The following RASGRP3 variants were observed in gnomAD, a reference collection of about 807,000 sequenced individuals.
RASGRP3 encodes ras guanyl-releasing protein 3.
In RASGRP3, 54 loss-of-function variants were observed where a neutral mutation model predicts 82.7. The observed-to-expected ratio is 0.65, with a 90% confidence interval of 0.52 to 0.82. RASGRP3 has a LOEUF of 0.82. Ranked by LOEUF, RASGRP3 falls within the 40% of genes least tolerant of loss-of-function variation. RASGRP3 has a pLI of 0.00. For synonymous variants in RASGRP3, 309 were observed against 300.5 expected (o/e 1.03, Z -0.29); for missense variants, 861 against 828.9 (o/e 1.04, Z -0.48).
At chr2:33,542,058 A>T (rs1674330598) in intron 12 of RASGRP3, among the ~76,000 whole-genome samples, 2 of 146,920 alleles carry the variant, frequency 1.4e-5, no homozygotes, top group South Asian at 4.3e-4. Flanking sequence ...GTGAGCTATG[A>T]TCATGCCACT....
chr2:33,557,607 G>A (rs905466587), intron 15 of RASGRP3, among the ~76,000 whole-genome samples: 3 of 152,044 alleles, frequency 2.0e-5, no homozygotes, highest in East Asian at 1.9e-4. Flanking sequence ...CTACTCGGGA[G>A]GCTGAGGCAG....
At chr2:33,511,447 T>C (rs760157484) in intron 1 of RASGRP3, among the ~76,000 whole-genome samples, 3 of 152,242 alleles carry the variant, frequency 2.0e-5, no homozygotes, top group Non-Finnish European at 2.9e-5. Context: ...TAGTTTATAC[T>C]ATGTGTATAG....
intron 1 of RASGRP3, among the ~76,000 whole-genome samples, chr2:33,445,105 T>G (rs546922691): frequency 6.6e-6 from 1 of 152,218 alleles, no homozygotes; most frequent in African/African-American, 2.4e-5. Flanking sequence ...ATAGGAAGTA[T>G]GCTATAATAA....
At chr2:33,522,152 C>G (rs762037475) in intron 7 of RASGRP3, 50 bp downstream of exon 7, 2 of 1,555,840 alleles carry the variant, frequency 1.3e-6, no homozygotes, top group South Asian at 2.5e-5. Context: ...ACCATGCCAA[C>G]TTTCCCAAGA....
At chr2:33,455,099 A>G (rs555132983) in intron 2 of RASGRP3, among the ~76,000 whole-genome samples, 2 of 152,336 alleles carry the variant, frequency 1.3e-5, no homozygotes, top group East Asian at 1.9e-4. Flanking sequence ...TGTCAACTAT[A>G]GCTTCTCACC....
intron 12 of RASGRP3, among the ~76,000 whole-genome samples, chr2:33,540,690 C>G (rs1346014734): frequency 2.1e-5 from 3 of 141,218 alleles, no homozygotes; most frequent in African/African-American, 7.5e-5. Flanking sequence ...TCTCCAAATT[C>G]CTTACCATTG....
In RASGRP3 at chr2:33,512,385, C is replaced by G. The variant is rs1671010283; in HGVS notation, c.-128+543C>G. Among the ~76,000 whole-genome samples, 3 of 152,168 alleles carry G rather than the reference C, an allele frequency of 2.0e-5. No homozygotes were observed. In the South Asian group the frequency reaches 6.2e-4, roughly 32 times the overall value. ...TGTTCTAAGTAATATGTCTACTCTT[C>G]CGTGAGTAACAGGCTAAAAAAAAAT... On this transcript the variant is annotated intron_variant, in intron 2 of 17. Transcript: ENST00000403687.
chr2:33,464,105 A>AT (rs1666539065), intron 2 of RASGRP3, among the ~76,000 whole-genome samples: 3 of 143,778 alleles, frequency 2.1e-5, no homozygotes, highest in African/African-American at 5.3e-5. Flanking sequence ...CTTAATAATA[A>AT]TAATAATTAT....
At chr2:33,475,734 C>T (rs1431649978), upstream of RASGRP3, among the ~76,000 whole-genome samples, 1 of 152,200 alleles carries the variant, frequency 6.6e-6, no homozygotes, top group Non-Finnish European at 1.5e-5. Context: ...GGAACATCAG[C>T]TCAGGTGAGA....
chr2:33,537,544 A>G lies in RASGRP3; in HGVS notation c.1162-1550A>G, dbSNP rs1195419378. Among the ~76,000 whole-genome samples, 4 of 151,966 alleles carry G rather than the reference A, an allele frequency of 2.6e-5. No individual in the cohort carries two copies. The East Asian group carries it at 7.7e-4, about 29-fold the overall frequency. On this transcript the variant is annotated intron_variant, in intron 11 of 17. Coordinates refer to ENST00000403687, the MANE Select transcript of RASGRP3 (RefSeq NM_001139488.2). ...CGGCTAATTTTTTTCTATTTTTAGT[A>G]GACAGGGAGTTTCACCATGTTGGCC...
intron 2 of RASGRP3, among the ~76,000 whole-genome samples, chr2:33,467,475 C>G (rs1382787632): frequency 6.6e-6 from 1 of 151,990 alleles, no homozygotes; most frequent in East Asian, 1.9e-4. Context: ...GAGAAGGTAT[C>G]AAAAAAGTGT....
intron 14 of RASGRP3, among the ~76,000 whole-genome samples, chr2:33,553,300 C>A (rs890656547): frequency 2.6e-5 from 4 of 152,240 alleles, no homozygotes; most frequent in Middle Eastern, 6.8e-3. Flanking sequence ...AGGGACTTTA[C>A]CTCTCTGTAG....
chr2:33,492,674 AAG>A (rs1202164192), intron 1 of RASGRP3, among the ~76,000 whole-genome samples: 5 of 152,210 alleles, frequency 3.3e-5, no homozygotes, highest in African/African-American at 1.2e-4. Flanking sequence ...GCAAGCCAGA[AAG>A]AGAGTCCTCA....
At chr2:33,488,752 C>A (rs560348644) in intron 1 of RASGRP3, among the ~76,000 whole-genome samples, 2 of 152,178 alleles carry the variant, frequency 1.3e-5, no homozygotes, top group African/African-American at 4.8e-5. Context: ...CAAATTCTGA[C>A]ATGTTAAATC....
At chr2:33,478,000 C>T (rs950368928) in intron 1 of RASGRP3, among the ~76,000 whole-genome samples, 5 of 152,120 alleles carry the variant, frequency 3.3e-5, no homozygotes, top group Non-Finnish European at 7.4e-5. Context: ...TTTCTTTCGC[C>T]CTCTGCCCCC....
At chr2:33,499,514 C>T (rs112396420) in intron 1 of RASGRP3, among the ~76,000 whole-genome samples, 30 of 151,930 alleles carry the variant, frequency 2.0e-4, no homozygotes, top group Non-Finnish European at 2.5e-4. Context: ...GCCAAGATCA[C>T]GCCACTGCAC....
chr2:33,520,146 A>C, intron 5 of RASGRP3, 132 bp downstream of exon 5: 1 of 713,824 alleles, frequency 1.4e-6, no homozygotes, highest in South Asian at 1.9e-5. Context: ...AACTTTGTTA[A>C]AATTGGCTCT....
chr2:33,445,533 C>T (rs1028337424), intron 1 of RASGRP3, among the ~76,000 whole-genome samples: 4 of 151,918 alleles, frequency 2.6e-5, no homozygotes, highest in African/African-American at 9.7e-5. Flanking sequence ...TTACATTTTC[C>T]CCATAGAAAC....
intron 2 of RASGRP3, among the ~76,000 whole-genome samples, chr2:33,464,110 A>ATTATTATT (rs1558406230): frequency 2.8e-5 from 4 of 144,264 alleles, no homozygotes; most frequent in African/African-American, 1.0e-4. Flanking sequence ...TAATAATAAT[A>ATTATTATT]ATTATTATTA....
Sources: allele counts gnomAD v4.1 joint callset (sites outside exome capture counted in the v4.1 genomes callset), GRCh38; gene constraint gnomAD v4.1.1; transcripts MANE v1.5; gene names NCBI Gene and HGNC (gene_info 2026-07-23, HGNC 2026-07-21).